EMG1: variants seen among roughly 807,000 people sequenced by gnomAD.
EMG1 encodes the protein EMG1 N1-specific pseudouridine methyltransferase, also known as ribosomal RNA small subunit methyltransferase NEP1.
Under a neutral mutation model 26.9 loss-of-function variants are expected in EMG1, and 24 were observed. The ratio of observed to expected loss-of-function variants is 0.89; its 90% confidence interval spans 0.65 to 1.26. The LOEUF is 1.26. EMG1 is among the 50% of genes most tolerant of loss of function. EMG1 has a pLI of 0.00. For synonymous variants in EMG1, 140 were observed against 112.6 expected, an observed-to-expected ratio of 1.24 and a Z score of -1.54; for missense variants, 299 against 307.6, an observed-to-expected ratio of 0.97 and a Z score of 0.21.
At chr12:6,988,634 C>T (rs1946552873), downstream of EMG1, among the ~76,000 whole-genome samples, 1 of 152,224 alleles carries the variant, frequency 6.6e-6, no homozygotes, top group South Asian at 2.1e-4. Flanking sequence ...CCCTCCCACT[C>T]ATCAGAGTTG....
In EMG1 at chr12:6,987,601, G is replaced by T. The variant is rs1164501178; in HGVS notation, c.*155-181G>T. Reference sequence around the variant, plus strand: ...TTTTTACTTTTGTTTTAGTAACGGGGTATAAATAAAAAAATATAAAACAGT... The same window carrying T: ...TTTTTACTTTTGTTTTAGTAACGGGTTATAAATAAAAAAATATAAAACAGT... On this transcript the variant is annotated intron_variant and NMD_transcript_variant, in intron 6 of 7. Coordinates refer to the EMG1 transcript ENST00000261406. This position sits in a 1 kb window ranked among gnomAD's most constrained non-coding sequence, Gnocchi z 4.1. 1.3e-5 allele frequency among the ~76,000 whole-genome samples: 2 copies of T among 151,984 alleles called. No individual in the cohort carries two copies. The highest frequency in any genetic ancestry group is 2.9e-5 in the Non-Finnish European group (2 of 67,996).
downstream of EMG1, chr12:6,981,053 T>G (rs1555153993): frequency 3.1e-6 from 5 of 1,612,218 alleles, no homozygotes; most frequent in Non-Finnish European, 2.5e-6. Flanking sequence ...TGCACCAGCT[T>G]CATGTAGTGA....
chr12:6,973,463 T>C (rs1555152545), intron 1 of EMG1, among the ~76,000 whole-genome samples: 1 of 151,186 alleles, frequency 6.6e-6, no homozygotes, highest in Non-Finnish European at 1.5e-5. Context: ...CCACTGCATC[T>C]GCCCCCATGC....
chr12:6,992,935 G>A (rs782766357), downstream of EMG1, among the ~76,000 whole-genome samples: 42 of 152,064 alleles, frequency 2.8e-4, no homozygotes, highest in South Asian at 8.8e-3. Context: ...CTAATATAAT[G>A]TAAATGCAAT....
rs782168206 is a variant in EMG1 at position 6,975,299 on chromosome 12, C to G, written c.542C>G (p.Pro181Arg). ...AAAGTTGGCACTTCTTTTTCCATCCCGGTTGTCAGTGATGTGCGTGAGCTG... is the reference window on the plus strand; with the variant it reads ...AAAGTTGGCACTTCTTTTTCCATCCGGGTTGTCAGTGATGTGCGTGAGCTG... ...CMKVGTSFSI[P>R]VVSDVRELVP... The change falls in exon 5 of 6, where the codon CCG (proline) becomes CGG (arginine). Residue 181 changes from proline to arginine, a missense_variant. Pro to Arg is a moderately radical substitution (Grantham distance 103). Transcript: ENST00000599672. 2 of 1,611,888 alleles carry G rather than the reference C, an allele frequency of 1.2e-6. No homozygotes were observed. The highest frequency in any genetic ancestry group is 2.2e-5 in the South Asian group (2 of 90,736).
At chr12:6,988,388 C>G (rs1946549737), downstream of EMG1, 1 of 152,238 alleles carries the variant, frequency 6.6e-6, no homozygotes. Context: ...CTGTGACAAC[C>G]CAGGCTGATT....
downstream of EMG1, among the ~76,000 whole-genome samples, chr12:6,984,212 A>G (rs1946500247): frequency 6.6e-6 from 1 of 152,244 alleles, no homozygotes. Context: ...AATCCATTTA[A>G]GTATACTAAA....
chr12:6,994,877 C>T (rs1555155878), intron 7 of EMG1, among the ~76,000 whole-genome samples: 1 of 152,108 alleles, frequency 6.6e-6, no homozygotes, highest in African/African-American at 2.4e-5. Context: ...TGTTGCTGAC[C>T]CCCAGGATCC....
chr12:6,978,782 T>C lies in EMG1; in HGVS notation c.*2973T>C. On this transcript the variant is annotated 3_prime_UTR_variant, in exon 6 of 6. Coordinates refer to ENST00000599672, the MANE Select transcript of EMG1 (RefSeq NM_006331.8). Reference sequence around the variant, plus strand: ...CTTTTCACACTTGTGGCTGGCTACTTCATACCTGCCTGAGTCCTGCTGCCA... The same window carrying C: ...CTTTTCACACTTGTGGCTGGCTACTCCATACCTGCCTGAGTCCTGCTGCCA... 1 of 1,545,186 alleles carries C rather than the reference T, an allele frequency of 6.5e-7. No individual in the cohort carries two copies. Among genetic ancestry groups the C allele is most frequent in the Non-Finnish European group, 8.7e-7 (1 of 1,143,072 alleles).
At chr12:6,986,795 CAAA>C (rs1157395768) in intron 6 of EMG1, among the ~76,000 whole-genome samples, 3 of 33,922 alleles carry the variant, frequency 8.8e-5, no homozygotes, top group Non-Finnish European at 1.8e-4. Context: ...GACTCTGTCT[CAAA>C]AAAAAAAAAA....
intron 1 of EMG1, 92 bp downstream of exon 1, chr12:6,971,183 A>G: frequency 1.8e-6 from 2 of 1,086,808 alleles, no homozygotes; most frequent in South Asian, 1.4e-5. Flanking sequence ...TGTAGAAAGC[A>G]GAGAGGGGTG....
downstream of EMG1, chr12:6,981,992 C>G (rs782722746): frequency 1.3e-6 from 1 of 746,380 alleles, no homozygotes; most frequent in South Asian, 1.6e-5. Flanking sequence ...TTTTTCCTTT[C>G]TCCTCATCCC....
chr12:6,975,185 T>C, intron 4 of EMG1, 37 bp downstream of exon 4: 1 of 1,613,992 alleles, frequency 6.2e-7, no homozygotes, highest in Non-Finnish European at 8.5e-7. Flanking sequence ...AGGCTGGTTC[T>C]GGGAATGTTT....
chr12:6,971,502 C>A (rs1245880537), intron 1 of EMG1, among the ~76,000 whole-genome samples: 1 of 152,164 alleles, frequency 6.6e-6, no homozygotes, highest in Admixed American at 6.5e-5. Flanking sequence ...TCTCGAACTC[C>A]TGACCTCAAG....
downstream of EMG1, among the ~76,000 whole-genome samples, chr12:6,984,317 GGC>G (rs1453373314): frequency 1.3e-5 from 2 of 152,180 alleles, no homozygotes; most frequent in African/African-American, 4.8e-5. Flanking sequence ...GATTATACAT[GGC>G]CAAGGGTTGC....
downstream of EMG1, chr12:6,983,183 A>C: frequency 2.2e-6 from 1 of 458,670 alleles, no homozygotes; most frequent in South Asian, 2.2e-5. Context: ...AGCACAGAGA[A>C]ACTGAGGATT....
chr12:6,989,260 C>A (rs1555155177), downstream of EMG1, among the ~76,000 whole-genome samples: 1 of 151,168 alleles, frequency 6.6e-6, no homozygotes, highest in Non-Finnish European at 1.5e-5. Flanking sequence ...TGAGGATCTT[C>A]TACTAGAATG....
At position 6,977,727 on chromosome 12, in the gene EMG1, G is replaced by C; in HGVS notation, c.*1918G>C. The C allele has an allele frequency of 2.5e-6, 4 of 1,614,154 alleles. No individual in the cohort carries two copies. The African/African-American group carries it at 4.0e-5, about 16-fold the overall frequency. On this transcript the variant is annotated 3_prime_UTR_variant, in exon 6 of 6. Transcript: ENST00000599672. The surrounding 1 kb of genome is among the most constrained non-coding windows in gnomAD (Gnocchi z 4.5). ...AGAGTTCTTTATTTCCAAGGAACTT[G>C]AGTCGTTTGAAGATGTAGCTGGAGA...
At chr12:6,991,990 C>T (rs7297026), downstream of EMG1, among the ~76,000 whole-genome samples, 10,213 of 151,906 alleles carry the variant, frequency 0.067, 436 homozygotes, top group African/African-American at 0.098. Context: ...TCAGGAGTTC[C>T]AGACCAGCCT....
Sources: gnomAD v4.1 joint callset for allele counts (sites outside exome capture counted in the v4.1 genomes callset) on GRCh38, gnomAD v4.1.1 for gene constraint, Gnocchi (gnomAD v3.1) non-coding constraint, MANE v1.5 for transcripts, NCBI Gene and HGNC (gene_info 2026-07-23, HGNC 2026-07-21) for gene names.